Variants in IFT140 observed in about 807,000 individuals in gnomAD.
IFT140 encodes the protein intraflagellar transport 140.
Under a neutral mutation model 164.6 loss-of-function variants are expected in IFT140, and 133 were observed. That is an observed-to-expected ratio of 0.81 (90% CI 0.70 to 0.93). The LOEUF (loss-of-function observed/expected upper bound fraction) is 0.93, where lower values mean the gene tolerates loss of function less well. IFT140 is among the 40% of genes least tolerant of loss of function. The pLI is 0.00. For missense variants in IFT140, 2,045 were observed against 1,972.3 expected (o/e 1.04, Z -0.70); for synonymous variants, 860 against 817.3 (o/e 1.05, Z -0.89).
chr16:1,547,469 C>T (rs1197671479), intron 19 of IFT140, among the ~76,000 whole-genome samples: 2 of 152,198 alleles, frequency 1.3e-5, no homozygotes, highest in African/African-American at 4.8e-5. Flanking sequence ...TTCTCTTAGA[C>T]TTGGGAATCG....
chr16:1,526,314 C>T, intron 20 of IFT140: 2 of 580,594 alleles, frequency 3.4e-6, no homozygotes, highest in South Asian at 2.1e-5. Flanking sequence ...CCTCCCACAG[C>T]CCCCCCTCCC....
At chr16:1,540,452 T>G (rs1431506618) in intron 19 of IFT140, among the ~76,000 whole-genome samples, 1 of 152,214 alleles carries the variant, frequency 6.6e-6, no homozygotes. Flanking sequence ...CTTCCCCTGC[T>G]GGGCTGGCTT....
Position 1,553,448 on chromosome 16 carries a change from G to A in IFT140, c.2399+4487C>T, listed in dbSNP as rs1567362109. ...AGTGGAGAGACCGGCATGAACAGAC[G>A]CACAGGTGTCAACATGCAGGCCAGG... is the stretch of plus-strand genomic sequence containing the variant. On this transcript the variant is annotated intron_variant, in intron 19 of 30. Transcript: ENST00000426508. The surrounding 1 kb of genome is among the most constrained non-coding windows in gnomAD (Gnocchi z 4.4). The A allele has an allele frequency of 9.1e-6, 9 of 985,438 alleles. No homozygotes were observed. The South Asian group carries it at 2.3e-4, about 26-fold the overall frequency. 61.0% of individuals were successfully genotyped at this position (985,438 alleles called of 1,614,324 possible).
chr16:1,537,340 G>A (rs1296200364), intron 19 of IFT140, among the ~76,000 whole-genome samples: 2 of 152,238 alleles, frequency 1.3e-5, no homozygotes, highest in Admixed American at 6.5e-5. Flanking sequence ...TGTGCCCTGA[G>A]GCCCTGCCCC....
chr16:1,580,918 C>T, intron 12 of IFT140, 68 bp from the exon 13 acceptor site: 3 of 990,886 alleles, frequency 3.0e-6, no homozygotes, highest in Non-Finnish European at 3.2e-6. Context: ...GTTTCAGGAG[C>T]ATTCCCACAC....
chr16:1,604,318 G>GTGTGTGTGTGTGT (rs765604573), intron 3 of IFT140: 1,459 of 67,292 alleles, frequency 0.022, 47 homozygotes, highest in East Asian at 0.034. Context: ...TGTGTGTGTG[G>GTGTGTGTGTGTGT]AGGGGGGAGC....
chr16:1,583,008 A>G (rs912694594), intron 12 of IFT140, among the ~76,000 whole-genome samples: 15 of 152,222 alleles, frequency 9.9e-5, no homozygotes, highest in Non-Finnish European at 1.5e-4. Flanking sequence ...TTGGGTCAAG[A>G]CACCACAGGT....
intron 12 of IFT140, 85 bp downstream of exon 12, chr16:1,583,229 C>A: frequency 8.4e-7 from 1 of 1,196,498 alleles, no homozygotes; most frequent in Non-Finnish European, 1.2e-6. Context: ...CAGCCCTCAA[C>A]TGCACCACAG....
At position 1,524,551 on chromosome 16, in the gene IFT140, C is replaced by A. The variant is rs764770536; in HGVS notation, c.3141+1G>T. The A allele has an allele frequency of 3.1e-6, 5 of 1,611,986 alleles. No homozygotes were observed. Among genetic ancestry groups the A allele is most frequent in the East Asian group, 2.2e-5 (1 of 44,834 alleles). On this transcript the variant is annotated splice_donor_variant, in intron 24 of 30. Coordinates refer to ENST00000426508, the MANE Select transcript of IFT140 (RefSeq NM_014714.4). LOFTEE classifies it high-confidence loss of function. ...GGCTCCCCACCCCGGGCCCGTGGTA[C>A]CTTGCACAGGCGGATGGCATTCTTG...
chr16:1,598,198 C>T (rs2035559890), intron 4 of IFT140, among the ~76,000 whole-genome samples: 1 of 152,196 alleles, frequency 6.6e-6, no homozygotes, highest in African/African-American at 2.4e-5. Context: ...GTGGCTCACG[C>T]CTGTAATCCC....
intron 6 of IFT140, among the ~76,000 whole-genome samples, 175 bp from the exon 7 acceptor site, chr16:1,589,955 G>C (rs910256492): frequency 6.6e-6 from 1 of 152,174 alleles, no homozygotes; most frequent in Admixed American, 6.5e-5. Flanking sequence ...CCAGCACTTT[G>C]GGAGGCCGAG....
rs1013311666 is a variant in IFT140, at chr16:1,563,726, C to T, written c.2067+271G>A. Among the ~76,000 whole-genome samples the T allele has an allele frequency of 2.0e-4, 31 of 152,274 alleles. 1 individual carries two copies. Among genetic ancestry groups the T allele is most frequent in the Middle Eastern group, 3.4e-3 (1 of 294 alleles). On this transcript the variant is annotated intron_variant, in intron 17 of 30. Coordinates refer to ENST00000426508, the MANE Select transcript of IFT140 (RefSeq NM_014714.4). ...GCTGTGAGGCAGATGCTCTACTCCA[C>T]GTGAACGAATTTTCAGGACCCCTTT...
Position 1,592,404 on chromosome 16 carries a change from C to T in IFT140, c.491+63G>A, listed in dbSNP as rs565694618. 18 of 1,610,458 alleles carry T rather than the reference C, an allele frequency of 1.1e-5. No homozygotes were observed. In the South Asian group the frequency reaches 1.9e-4, roughly 17 times the overall value. On this transcript the variant is annotated intron_variant, in intron 5 of 30. Coordinates refer to ENST00000426508, the MANE Select transcript of IFT140 (RefSeq NM_014714.4). ...GGGGCCCCTCCTGGGTCAGGAGCAG[C>T]CCGCTTCCCACCTCCCCCGATGTAA... is the stretch of plus-strand genomic sequence containing the variant.
intron 19 of IFT140, chr16:1,534,444 G>A (rs2030844572): frequency 1.2e-6 from 2 of 1,611,770 alleles, no homozygotes; most frequent in Non-Finnish European, 1.7e-6. Flanking sequence ...CAGGACCCGG[G>A]GAGGGCCGAG....
chr16:1,574,778 T>G (rs2034192980), intron 13 of IFT140, among the ~76,000 whole-genome samples: 1 of 146,726 alleles, frequency 6.8e-6, no homozygotes, highest in Admixed American at 6.9e-5. Flanking sequence ...GGCCCCTCCC[T>G]CAGGTTCTCC....
At position 1,525,818 on chromosome 16, in the gene IFT140, C is replaced by T. The variant is rs562582773; in HGVS notation, c.2768+69G>A. ...CCTCCCTGGCCACCTCACCACAGCA[C>T]ACACAAGAGGCCTCACAAGCCAGGG... On this transcript the variant is annotated intron_variant, in intron 21 of 30. Transcript: ENST00000426508. 9 of 1,409,176 alleles carry T rather than the reference C, an allele frequency of 6.4e-6. No homozygotes were observed. In the East Asian group the frequency reaches 1.8e-4, roughly 28 times the overall value. The allele number at this position is 1,409,176 out of a possible 1,614,324, so 87.3% of individuals were successfully genotyped here.
chr16:1,604,889 A>C (rs1285099008), intron 3 of IFT140, among the ~76,000 whole-genome samples: 3 of 152,090 alleles, frequency 2.0e-5, no homozygotes, highest in African/African-American at 7.2e-5. Context: ...GGTGACTTTC[A>C]TTGAGATGGG....
At chr16:1,534,477 G>A in intron 19 of IFT140, 1 of 1,610,790 alleles carries the variant, frequency 6.2e-7, no homozygotes, top group Non-Finnish European at 8.5e-7. Context: ...AGCCGGCCAG[G>A]TGGACGCACA....
rs747304190 is a variant in IFT140 at position 1,520,029 on chromosome 16, G to C, written c.3892C>G (p.Gln1298Glu). The change falls in exon 29 of 31, where the codon CAG becomes GAG. Residue 1298 changes from glutamine to glutamate, a missense_variant. Coordinates refer to ENST00000426508, the MANE Select transcript of IFT140 (RefSeq NM_014714.4). ...GCCCCGTGGGCTTTGTCGTAGTTCT[G>C]GTATTCATCAATCTCCACCTGTACA... is the stretch of plus-strand genomic sequence containing the variant. ...ACAQVEIDEY[Q>E]NYDKAHGALT... 1 of 1,600,862 alleles carries C rather than the reference G, an allele frequency of 6.2e-7. No homozygotes were observed. Among genetic ancestry groups the C allele is most frequent in the Non-Finnish European group, 8.5e-7 (1 of 1,173,248 alleles).
Sources: gnomAD v4.1 joint callset for allele counts (sites outside exome capture counted in the v4.1 genomes callset) on GRCh38, gnomAD v4.1.1 for gene constraint, Gnocchi (gnomAD v3.1) non-coding constraint, MANE v1.5 for transcripts, NCBI Gene and HGNC (gene_info 2026-07-23, HGNC 2026-07-21) for gene names.